ATG2B: variants seen among roughly 807,000 people sequenced by gnomAD.
The protein encoded by ATG2B is autophagy related 2B.
ATG2B carries 121 observed loss-of-function variants against 241.3 expected under a neutral mutation model. That is an observed-to-expected ratio of 0.50 (90% CI 0.43 to 0.58). The LOEUF (loss-of-function observed/expected upper bound fraction) is 0.58. Among genes scored for constraint, ATG2B ranks in the 20% least tolerant of loss-of-function variants. The pLI is 0.00. For synonymous variants in ATG2B, 858 were observed against 876.6 expected (o/e 0.98, Z 0.37); for missense variants, 2,306 against 2,491.6 (o/e 0.93, Z 1.59).
chr14:96,287,999 C>T (rs555862216), intron 41 of ATG2B, among the ~76,000 whole-genome samples: 2 of 119,194 alleles, frequency 1.7e-5, no homozygotes, highest in African/African-American at 7.4e-5. Context: ...AAATACCAAG[C>T]ACCACTTAGG....
intron 32 of ATG2B, among the ~76,000 whole-genome samples, 164 bp downstream of exon 32, chr14:96,304,331 A>C (rs2139849030): frequency 6.6e-6 from 1 of 152,358 alleles, no homozygotes; most frequent in South Asian, 2.1e-4. Context: ...TCTTCTTAGA[A>C]CATTTGAGAA....
At chr14:96,352,291 G>A (rs532138601) in intron 1 of ATG2B, among the ~76,000 whole-genome samples, 10 of 152,166 alleles carry the variant, frequency 6.6e-5, no homozygotes, top group African/African-American at 1.4e-4. Flanking sequence ...CATAATACTC[G>A]AGGGTGATAA....
rs775013209 is a variant in ATG2B, at chr14:96,332,542, A to G, written c.1321T>C (p.Tyr441His). 13 of 1,611,110 alleles carry G rather than the reference A, an allele frequency of 8.1e-6. No individual in the cohort carries two copies. The highest frequency in any genetic ancestry group is 8.5e-7 in the Non-Finnish European group (1 of 1,178,988). The change falls in exon 9 of 42, where the codon TAT becomes CAT. Residue 441 changes from tyrosine (Y) to histidine (H), a missense_variant. Around this residue, in one of 2 missense-constraint regions of ATG2B, gnomAD observed 1,927 missense variants for 2,011.2 expected, o/e 0.96. Coordinates refer to ENST00000359933, the MANE Select transcript of ATG2B (RefSeq NM_018036.7). ...MDLELSLTST[Y>H]TNTPAGSPLS... ...GGAGATCCTGCTGGGGTATTTGTAT[A>G]TGTACTAGTTAATGATAACTCAAGG...
rs974043780 is a variant in ATG2B at position 96,329,373 on chromosome 14, T to G, written c.1881+111A>C. On this transcript the variant is annotated intron_variant, in intron 12 of 41. Coordinates refer to ENST00000359933, the MANE Select transcript of ATG2B (RefSeq NM_018036.7). ...AAGTGCAAAAAGAAAATGACAATAT[T>G]CCTCCTATGGCTTTCTATACATTTT... 9 of 662,370 alleles carry G rather than the reference T, an allele frequency of 1.4e-5. No homozygotes were observed. In the African/African-American group the frequency reaches 1.5e-4, roughly 11 times the overall value. The allele number at this position is 662,370 out of a possible 1,614,324, so 41.0% of individuals were successfully genotyped here. A position where few individuals can be genotyped will look rare whatever the true frequency, so the allele number is the denominator to read the frequency against.
intron 1 of ATG2B, among the ~76,000 whole-genome samples, chr14:96,360,769 G>A (rs1254237738): frequency 6.6e-6 from 1 of 151,888 alleles, no homozygotes; most frequent in Non-Finnish European, 1.5e-5. Flanking sequence ...ATCTCCGAAG[G>A]TACCTTTTTT....
chr14:96,327,933 T>A (rs1438563773), intron 14 of ATG2B, among the ~76,000 whole-genome samples: 1 of 152,218 alleles, frequency 6.6e-6, no homozygotes, highest in African/African-American at 2.4e-5. Flanking sequence ...TTCTCATGCC[T>A]CAGCCTCCTG....
chr14:96,338,272 T>C (rs113360544), intron 6 of ATG2B, among the ~76,000 whole-genome samples: 1 of 152,170 alleles, frequency 6.6e-6, no homozygotes, highest in Non-Finnish European at 1.5e-5. Flanking sequence ...TTGGATGTCC[T>C]TTATTTCTTT....
At chr14:96,340,207 C>A (rs973582281) in intron 6 of ATG2B, among the ~76,000 whole-genome samples, 1 of 78,358 alleles carries the variant, frequency 1.3e-5, no homozygotes, top group African/African-American at 3.7e-5. Context: ...ACACACACAT[C>A]TTTGTGTGTG....
chr14:96,317,652 TGATA>T lies in ATG2B; in HGVS notation c.3037+42_3037+45del, dbSNP rs761293099. On this transcript the variant is annotated intron_variant, in intron 19 of 41. Coordinates refer to ENST00000359933, the MANE Select transcript of ATG2B (RefSeq NM_018036.7). ...ATTCAAAGGTTAGTACTTTGTTAAT[TGATA>T]AACTAGGCATTTTAAATCAAAACAA... The T allele has an allele frequency of 3.4e-6, 5 of 1,453,134 alleles. No individual in the cohort carries two copies. In the South Asian group the frequency reaches 5.4e-5, roughly 16 times the overall value. The allele number at this position is 1,453,134 out of a possible 1,614,324, so 90.0% of individuals were successfully genotyped here.
intron 14 of ATG2B, 71 bp downstream of exon 14, chr14:96,328,276 C>T: frequency 5.6e-6 from 6 of 1,066,468 alleles, no homozygotes; most frequent in Non-Finnish European, 7.9e-6. Context: ...TACTTAAGTT[C>T]AGAAATTATC....
At chr14:96,325,523 G>A (rs563008407) in intron 15 of ATG2B, 126 bp downstream of exon 15, 1 of 887,480 alleles carries the variant, frequency 1.1e-6, no homozygotes, top group African/African-American at 1.7e-5. Context: ...TGTTGCTGTT[G>A]ATTTTAACAT....
Position 96,322,109 on chromosome 14 carries a change from C to T in ATG2B, c.2879+3G>A. ...AGATTCAACTAAATGTGTATAAACT[C>T]ACCTATTATAAAGCTTCTCATAAAA... On this transcript the variant is annotated splice_donor_region_variant and intron_variant, in intron 18 of 41. Transcript: ENST00000359933. The T allele has an allele frequency of 6.6e-7, 1 of 1,523,356 alleles. No homozygotes were observed. The highest frequency in any genetic ancestry group is 2.5e-5 in the East Asian group (1 of 40,058). The allele number at this position is 1,523,356 out of a possible 1,614,324, so 94.4% of individuals were successfully genotyped here. A position where few individuals can be genotyped will look rare whatever the true frequency, so the allele number is the denominator to read the frequency against.
At chr14:96,330,793 C>A (rs950125170) in intron 11 of ATG2B, among the ~76,000 whole-genome samples, 4 of 151,962 alleles carry the variant, frequency 2.6e-5, no homozygotes, top group Admixed American at 6.6e-5. Context: ...AACAAAAAAA[C>A]CAACTATATT....
chr14:96,326,234 A>G (rs1887585123), intron 14 of ATG2B, among the ~76,000 whole-genome samples: 1 of 152,234 alleles, frequency 6.6e-6, no homozygotes, highest in South Asian at 2.1e-4. Flanking sequence ...TATAAAGAAT[A>G]CGGTGTAAAT....
intron 17 of ATG2B, 33 bp downstream of exon 17, chr14:96,322,507 T>C: frequency 1.3e-6 from 2 of 1,576,760 alleles, no homozygotes; most frequent in Non-Finnish European, 1.7e-6. Context: ...AGAATAATAG[T>C]ATTATTCCTT....
Position 96,332,400 on chromosome 14 carries a change from G to A in ATG2B, c.1373C>T (p.Thr458Ile), listed in dbSNP as rs1357722485. 1.2e-6 allele frequency: 2 copies of A among 1,613,742 alleles called. No individual in the cohort carries two copies. Among genetic ancestry groups the A allele is most frequent in the Non-Finnish European group, 1.7e-6 (2 of 1,179,746 alleles). ...SPLSATVLQP[T>I]WGEFLDHHKE... ...ATGATGATCAAGGAACTCTCCCCAA[G>A]TGGGCTGAAGCTATAAAAGATTTTT... is the stretch of plus-strand genomic sequence containing the variant. The change falls in exon 10 of 42, where the codon ACT (threonine) becomes ATT (isoleucine). Residue 458 changes from threonine (T) to isoleucine (I), a missense_variant. This residue lies in a region of ATG2B where 1,927 missense variants were observed against 2,011.2 expected (regional missense o/e 0.96). Transcript: ENST00000359933.
intron 34 of ATG2B, among the ~76,000 whole-genome samples, chr14:96,297,135 A>G (rs1180642493): frequency 1.3e-5 from 2 of 152,260 alleles, no homozygotes; most frequent in East Asian, 1.9e-4. Context: ...TTTAATATAT[A>G]TAATTCATAT....
chr14:96,341,723 A>G, intron 5 of ATG2B, 22 bp from the exon 6 acceptor site: 1 of 1,447,724 alleles, frequency 6.9e-7, no homozygotes, highest in South Asian at 1.5e-5. Flanking sequence ...TGACAAAAAT[A>G]ATTATTTAAA....
intron 14 of ATG2B, among the ~76,000 whole-genome samples, chr14:96,326,196 T>C (rs1413818717): frequency 6.6e-6 from 1 of 152,210 alleles, no homozygotes; most frequent in African/African-American, 2.4e-5. Flanking sequence ...AAAGGCACTA[T>C]ATATTAATAT....
Sources: allele counts gnomAD v4.1 joint callset (sites outside exome capture counted in the v4.1 genomes callset), GRCh38; gene constraint gnomAD v4.1.1; regional missense constraint gnomAD v4.1.1; transcripts MANE v1.5; gene names NCBI Gene and HGNC (gene_info 2026-07-23, HGNC 2026-07-21).